CDH19: variants seen among roughly 807,000 people sequenced by gnomAD.
CDH19 encodes cadherin-19.
A neutral mutation model predicts 64.2 loss-of-function variants in CDH19; 67 were observed. The ratio of observed to expected loss-of-function variants is 1.04; its 90% CI spans 0.86 to 1.28. The LOEUF is 1.28. Among genes scored for constraint, CDH19 ranks in the 50% most tolerant of loss-of-function variants. The pLI is 0.00. For synonymous variants in CDH19, 346 were observed against 319.3 expected, an observed-to-expected ratio of 1.08 and a Z score of -0.89; for missense variants, 1,030 against 929.0, an observed-to-expected ratio of 1.11 and a Z score of -1.41.
intron 7 of CDH19, among the ~76,000 whole-genome samples, chr18:66,538,213 G>T (rs478087): frequency 0.024 from 3,719 of 151,840 alleles, 158 homozygotes; most frequent in African/African-American, 0.084. Flanking sequence ...AATTACTTAG[G>T]TTGTATTTTC....
intron 7 of CDH19, among the ~76,000 whole-genome samples, chr18:66,535,534 A>G (rs1003319791): frequency 4.7e-5 from 7 of 150,194 alleles, no homozygotes; most frequent in South Asian, 4.2e-4. Context: ...TAAAGTCTAT[A>G]TAGTAGATAG....
intron 7 of CDH19, among the ~76,000 whole-genome samples, chr18:66,538,128 T>C (rs1311322864): frequency 6.6e-6 from 1 of 152,128 alleles, no homozygotes; most frequent in Non-Finnish European, 1.5e-5. Flanking sequence ...AAAAAATATA[T>C]TCACTATGTA....
chr18:66,517,434 G>A (rs1458826698), intron 9 of CDH19, among the ~76,000 whole-genome samples: 3 of 152,020 alleles, frequency 2.0e-5, no homozygotes, highest in South Asian at 4.2e-4. Context: ...TGCACCACAT[G>A]GCAAAGGCAA....
intron 3 of CDH19, 90 bp from the exon 4 acceptor site, chr18:66,554,614 ATGT>A: frequency 2.0e-6 from 2 of 1,013,506 alleles, no homozygotes; most frequent in East Asian, 2.7e-5. Context: ...ACCAAGCAAG[ATGT>A]TGTTACAAAA....
chr18:66,519,317 T>G (rs771410293), intron 9 of CDH19, among the ~76,000 whole-genome samples: 1 of 152,190 alleles, frequency 6.6e-6, no homozygotes, highest in Non-Finnish European at 1.5e-5. Flanking sequence ...TTTACCACAG[T>G]CCTCTTTTAC....
At position 66,505,316 on chromosome 18, in the gene CDH19, C is replaced by T; in HGVS notation, c.1829-14G>A. 6.6e-7 allele frequency: 1 copy of T among 1,523,480 alleles called. No homozygotes were observed. The allele number at this position is 1,523,480 out of a possible 1,614,324, so 94.4% of individuals were successfully genotyped here. On this transcript the variant is annotated splice_polypyrimidine_tract_variant and intron_variant, in intron 11 of 11. Coordinates refer to ENST00000262150, the MANE Select transcript of CDH19 (RefSeq NM_021153.4). ...AAAAAATAAACCCTGATGAAGAAAG[C>T]ACATCAGAATATCAATAAACAATAA...
intron 1 of CDH19, among the ~76,000 whole-genome samples, chr18:66,584,628 T>G (rs997683559): frequency 6.6e-6 from 1 of 152,010 alleles, no homozygotes; most frequent in African/African-American, 2.4e-5. Context: ...CTATTCACAA[T>G]AGCAAAGACA....
chr18:66,551,461 G>C (rs1256111135), intron 4 of CDH19, among the ~76,000 whole-genome samples: 2 of 151,802 alleles, frequency 1.3e-5, no homozygotes. Flanking sequence ...ACAATATTAG[G>C]AACACTGGTA....
At chr18:66,535,430 G>T (rs1986624485) in intron 7 of CDH19, among the ~76,000 whole-genome samples, 1 of 151,108 alleles carries the variant, frequency 6.6e-6, no homozygotes, top group Non-Finnish European at 1.5e-5. Context: ...TATGTCACAG[G>T]TGTTGCTTGC....
chr18:66,554,287 C>T, intron 4 of CDH19, 118 bp downstream of exon 4: 1 of 941,296 alleles, frequency 1.1e-6, no homozygotes, highest in East Asian at 2.5e-5. Flanking sequence ...GAATTGCAAT[C>T]TTTTTGCTTA....
At chr18:66,520,661 T>TA (rs535216323) in intron 9 of CDH19, among the ~76,000 whole-genome samples, 98 of 152,144 alleles carry the variant, frequency 6.4e-4, no homozygotes, top group Admixed American at 1.3e-3. Context: ...ATTTGCATTA[T>TA]AAAAAAAGTG....
intron 1 of CDH19, among the ~76,000 whole-genome samples, chr18:66,580,512 A>C (rs1413530392): frequency 1.3e-5 from 2 of 152,082 alleles, no homozygotes; most frequent in Non-Finnish European, 2.9e-5. Context: ...TTGTCATGGT[A>C]ATTACAATGA....
chr18:66,511,712 G>T, intron 9 of CDH19, 27 bp from the exon 10 acceptor site: 2 of 1,059,206 alleles, frequency 1.9e-6, no homozygotes, highest in Non-Finnish European at 2.9e-6. Context: ...ATAGATTTTT[G>T]TTGTTGTTTG....
In CDH19 at chr18:66,547,557, C is replaced by T. The variant is rs73539779; in HGVS notation, c.776-2654G>A. 9.2e-3 allele frequency among the ~76,000 whole-genome samples: 1,380 copies of T among 150,052 alleles called. 17 individuals are homozygous for T. Among genetic ancestry groups the T allele is most frequent in the African/African-American group, 0.031 (1,274 of 40,850 alleles). Reference sequence around the variant, plus strand: ...ATAAGCAAGGTTTTGGCTTGAAGAACATGAAACCTGGATGTGTGGGTACAT... The same window carrying T: ...ATAAGCAAGGTTTTGGCTTGAAGAATATGAAACCTGGATGTGTGGGTACAT... On this transcript the variant is annotated intron_variant, in intron 5 of 11. Coordinates refer to ENST00000262150, the MANE Select transcript of CDH19 (RefSeq NM_021153.4).
chr18:66,592,395 G>A (rs965340080), intron 1 of CDH19, among the ~76,000 whole-genome samples: 1 of 151,868 alleles, frequency 6.6e-6, no homozygotes, highest in African/African-American at 2.4e-5. Flanking sequence ...GGAACATTCT[G>A]AATCCTCTCC....
intron 7 of CDH19, among the ~76,000 whole-genome samples, chr18:66,540,849 T>C (rs1986860204): frequency 6.6e-6 from 1 of 152,160 alleles, no homozygotes; most frequent in Non-Finnish European, 1.5e-5. Flanking sequence ...TCTGAAATAA[T>C]ACATAGTCTT....
chr18:66,590,847 T>C (rs976887244), intron 1 of CDH19, among the ~76,000 whole-genome samples: 1 of 152,042 alleles, frequency 6.6e-6, no homozygotes, highest in African/African-American at 2.4e-5. Flanking sequence ...CCTTGCAGAC[T>C]TCCTTGTAAG....
At chr18:66,541,751 G>T (rs1986895050) in intron 7 of CDH19, among the ~76,000 whole-genome samples, 1 of 152,066 alleles carries the variant, frequency 6.6e-6, no homozygotes, top group South Asian at 2.1e-4. Context: ...ATGGATACAA[G>T]TTATTTTAAA....
chr18:66,559,191 T>C (rs1987629331), intron 3 of CDH19, among the ~76,000 whole-genome samples: 1 of 151,876 alleles, frequency 6.6e-6, no homozygotes, highest in Non-Finnish European at 1.5e-5. Flanking sequence ...TGTATTTCCA[T>C]GGAAAATATA....
Sources: allele counts gnomAD v4.1 joint callset (sites outside exome capture counted in the v4.1 genomes callset), GRCh38; gene constraint gnomAD v4.1.1; transcripts MANE v1.5; gene names NCBI Gene and HGNC (gene_info 2026-07-23, HGNC 2026-07-21).